NKAIN2: variants seen among roughly 807,000 people sequenced by gnomAD.
The protein encoded by NKAIN2 is sodium/potassium transporting ATPase interacting 2.
NKAIN2 carries 14 observed loss-of-function variants against 32.6 expected under a neutral mutation model. The ratio of observed to expected loss-of-function variants is 0.43; its 90% CI spans 0.28 to 0.67. NKAIN2 has a LOEUF of 0.67. Among genes scored for constraint, NKAIN2 ranks in the 30% least tolerant of loss-of-function variants. NKAIN2 has a pLI of 0.17. For missense variants in NKAIN2, 198 were observed against 258.3 expected (o/e 0.77, Z 1.60); for synonymous variants, 80 against 87.2 (o/e 0.92, Z 0.46).
intron 1 of NKAIN2, among the ~76,000 whole-genome samples, chr6:123,926,760 A>G (rs1776024053): frequency 6.6e-6 from 1 of 152,210 alleles, no homozygotes; most frequent in Non-Finnish European, 1.5e-5. Flanking sequence ...ATCTCTAGTC[A>G]ACCTTTGGAC....
Position 124,540,927 on chromosome 6 carries a change from A to C in NKAIN2, c.274-117259A>C, listed in dbSNP as rs943599848. Among the ~76,000 whole-genome samples, 17 of 152,320 alleles carry C rather than the reference A, an allele frequency of 1.1e-4. 2 individuals are homozygous for C. The highest frequency in any genetic ancestry group is 2.6e-4 in the Admixed American group (4 of 15,306). On this transcript the variant is annotated intron_variant, in intron 3 of 6. Transcript: ENST00000368417. ...TGGTGTTTGGTAGGTTAGGTGTATT[A>C]ACTGCATTTCTGCTTAAAATATCCC...
At chr6:124,058,817 C>T (rs940467724) in intron 1 of NKAIN2, among the ~76,000 whole-genome samples, 7 of 152,076 alleles carry the variant, frequency 4.6e-5, no homozygotes, top group Non-Finnish European at 5.9e-5. Flanking sequence ...ATAGCCTGCT[C>T]ACTCATTTGC....
rs1165023454 is a variant in NKAIN2 at position 124,712,130 on chromosome 6, G to A, written c.474+53744G>A. Among the ~76,000 whole-genome samples, 82 of 151,576 alleles carry A rather than the reference G, an allele frequency of 5.4e-4. No homozygotes were observed. The South Asian group carries it at 0.01, about 19-fold the overall frequency. ...GGGGTGCCTCCCAGTTAGGCTGCTC[G>A]GGGGTCGGGCGTCAGGGACCCACTT... On this transcript the variant is annotated intron_variant, in intron 4 of 6. Transcript: ENST00000368417.
intron 4 of NKAIN2, among the ~76,000 whole-genome samples, chr6:124,662,189 G>A (rs1383526930): frequency 6.6e-6 from 1 of 152,136 alleles, no homozygotes. Flanking sequence ...ACAGGTGAGG[G>A]GAATGAAGAG....
intron 3 of NKAIN2, among the ~76,000 whole-genome samples, chr6:124,595,319 T>C (rs1782044953): frequency 1.3e-5 from 2 of 152,198 alleles, no homozygotes; most frequent in Non-Finnish European, 2.9e-5. Flanking sequence ...ATCTGAACTC[T>C]TCTTCAACAC....
chr6:124,807,252 C>T (rs1404620381), intron 5 of NKAIN2, among the ~76,000 whole-genome samples: 3 of 152,196 alleles, frequency 2.0e-5, no homozygotes, highest in Admixed American at 6.5e-5. Context: ...AAGCACTCCT[C>T]AGCACATGTA....
chr6:124,736,973 G>A (rs1776976997), intron 4 of NKAIN2, among the ~76,000 whole-genome samples: 1 of 151,880 alleles, frequency 6.6e-6, no homozygotes, highest in African/African-American at 2.4e-5. Context: ...GAAGGAGTTA[G>A]GCAAAGTAAA....
intron 3 of NKAIN2, among the ~76,000 whole-genome samples, chr6:124,364,021 A>G (rs1223572372): frequency 6.6e-6 from 1 of 152,090 alleles, no homozygotes; most frequent in Non-Finnish European, 1.5e-5. Flanking sequence ...ACTGGAACTA[A>G]TACATTGAAA....
At chr6:123,980,303 A>G (rs1245827228) in intron 1 of NKAIN2, among the ~76,000 whole-genome samples, 2 of 152,160 alleles carry the variant, frequency 1.3e-5, no homozygotes, top group Non-Finnish European at 2.9e-5. Flanking sequence ...TGCTAATGAG[A>G]TATGGAAGGG....
chr6:124,459,976 T>C (rs946609507), intron 3 of NKAIN2, among the ~76,000 whole-genome samples: 2 of 151,732 alleles, frequency 1.3e-5, no homozygotes, highest in Non-Finnish European at 3.0e-5. Flanking sequence ...CTACTTTATA[T>C]TGGATTCATG....
At chr6:124,348,093 A>T (rs150217455) in intron 2 of NKAIN2, among the ~76,000 whole-genome samples, 366 of 152,288 alleles carry the variant, frequency 2.4e-3, no homozygotes, top group African/African-American at 8.4e-3. Context: ...AGTTTGCTAG[A>T]GGTCCACTCC....
intron 1 of NKAIN2, among the ~76,000 whole-genome samples, chr6:123,835,676 T>C (rs746027709): frequency 3.9e-5 from 6 of 152,192 alleles, no homozygotes; most frequent in Non-Finnish European, 7.4e-5. Flanking sequence ...TTTCAGCTTG[T>C]ATTTAATGGA....
chr6:124,699,718 G>A (rs1194881030), intron 4 of NKAIN2, among the ~76,000 whole-genome samples: 1 of 152,142 alleles, frequency 6.6e-6, no homozygotes, highest in African/African-American at 2.4e-5. Context: ...CAGAAGCAGA[G>A]AAGATGCCAG....
chr6:124,230,658 C>T (rs1412076180), intron 1 of NKAIN2, among the ~76,000 whole-genome samples: 2 of 152,188 alleles, frequency 1.3e-5, no homozygotes, highest in Admixed American at 1.3e-4. Flanking sequence ...GGCCAAAATA[C>T]AGCTCCAGCT....
intron 3 of NKAIN2, among the ~76,000 whole-genome samples, chr6:124,651,992 T>C (rs1784385696): frequency 6.6e-6 from 1 of 152,210 alleles, no homozygotes; most frequent in Non-Finnish European, 1.5e-5. Context: ...TGTGTTTCCC[T>C]TTAAATCATT....
At chr6:123,911,564 G>A (rs1775178277) in intron 1 of NKAIN2, among the ~76,000 whole-genome samples, 1 of 151,590 alleles carries the variant, frequency 6.6e-6, no homozygotes, top group African/African-American at 2.4e-5. Flanking sequence ...TTCAACACTG[G>A]GGATCAGATT....
chr6:124,344,569 T>A (rs1798306259), intron 2 of NKAIN2, among the ~76,000 whole-genome samples: 1 of 151,854 alleles, frequency 6.6e-6, no homozygotes, highest in Non-Finnish European at 1.5e-5. Flanking sequence ...GTTGGATTCC[T>A]AAGTATTTTA....
intron 3 of NKAIN2, among the ~76,000 whole-genome samples, chr6:124,468,407 C>T (rs1418945173): frequency 1.3e-5 from 2 of 152,048 alleles, no homozygotes; most frequent in African/African-American, 2.4e-5. Context: ...TGCTAGTTGG[C>T]GAATCTTCTA....
intron 1 of NKAIN2, among the ~76,000 whole-genome samples, chr6:123,997,597 C>CTTTTTTTT (rs545393601): frequency 2.0e-5 from 2 of 98,258 alleles, no homozygotes; most frequent in Non-Finnish European, 3.9e-5. Flanking sequence ...GGAGTTTATT[C>CTTTTTTTT]TTTTTTTTTT....
Sources: gnomAD v4.1 joint callset for allele counts (sites outside exome capture counted in the v4.1 genomes callset) on GRCh38, gnomAD v4.1.1 for gene constraint, MANE v1.5 for transcripts, NCBI Gene and HGNC (gene_info 2026-07-23, HGNC 2026-07-21) for gene names.